CD47: variants seen among roughly 807,000 people sequenced by gnomAD.
CD47 encodes leukocyte surface antigen CD47.
CD47 carries 11 observed loss-of-function variants against 44.6 expected under a neutral mutation model. The ratio of observed to expected loss-of-function variants is 0.25; its 90% CI spans 0.16 to 0.41. The LOEUF is 0.41. Ranked by LOEUF, CD47 falls within the 10% of genes least tolerant of loss-of-function variation. The pLI, the probability that CD47 is intolerant of heterozygous loss-of-function variation, is 1.00. For synonymous variants in CD47, 140 were observed against 136.3 expected (o/e 1.03, Z -0.19); for missense variants, 306 against 386.7 (o/e 0.79, Z 1.75).
chr3:108,089,744 A>T (rs902650043), intron 1 of CD47, among the ~76,000 whole-genome samples: 1 of 152,174 alleles, frequency 6.6e-6, no homozygotes, highest in African/African-American at 2.4e-5. Context: ...CTAAAGTCAC[A>T]AGCCTTTAGG....
chr3:108,044,854 CTG>C lies in CD47; in HGVS notation c.*2432_*2433del, dbSNP rs2078696470. 6.6e-6 allele frequency: 1 copy of C among 152,552 alleles called. No individual in the cohort carries two copies. Among genetic ancestry groups the C allele is most frequent in the East Asian group, 1.9e-4 (1 of 5,202 alleles). The allele number at this position is 152,552 out of a possible 1,614,324, so 9.4% of individuals were successfully genotyped here. On this transcript the variant is annotated 3_prime_UTR_variant, in exon 11 of 11. Transcript: ENST00000361309. ...CTGTGAGAACACACAATAAATAAAA[CTG>C]AATGGAAGAGTCAACAGCAGAAACT...
chr3:108,071,500 C>T (rs1323842341), intron 2 of CD47, among the ~76,000 whole-genome samples: 2 of 152,138 alleles, frequency 1.3e-5, no homozygotes, highest in Non-Finnish European at 2.9e-5. Flanking sequence ...AGGGTTTGAA[C>T]CCAACTCTAA....
At chr3:108,052,191 T>C in intron 7 of CD47, 2 of 365,486 alleles carry the variant, frequency 5.5e-6, no homozygotes, top group South Asian at 3.2e-5. Context: ...CTACATCAAA[T>C]AGTAAACACA....
In CD47 at chr3:108,080,161, A is replaced by G; in HGVS notation, c.230T>C (p.Val77Ala). Residue 77 changes from valine (V) to alanine (A), a missense_variant, in exon 2 of 11, where the codon GTC (valine) becomes GCC (alanine). By Grantham distance (64) the Val-to-Ala change is moderately conservative (BLOSUM62 0). Coordinates refer to ENST00000361309, the MANE Select transcript of CD47 (RefSeq NM_001777.4). ...TTTTGCACTACTAAAGTCAGTGGGG[A>G]CAGTGGACTTGTTTAGAGCTCCATC... ...TFDGALNKSTVPTDFSSAKIE... is the reference protein window; with the variant it reads ...TFDGALNKSTAPTDFSSAKIE... 6.2e-7 allele frequency: 1 copy of G among 1,613,180 alleles called. No homozygotes were observed. The highest frequency in any genetic ancestry group is 8.5e-7 in the Non-Finnish European group (1 of 1,179,302).
chr3:108,076,627 T>C (rs2079316312), intron 2 of CD47, among the ~76,000 whole-genome samples: 1 of 152,160 alleles, frequency 6.6e-6, no homozygotes, highest in South Asian at 2.1e-4. Flanking sequence ...ACTCCATCTA[T>C]CTCCTAGAGT....
chr3:108,045,530 T>G lies in CD47; in HGVS notation c.*1758A>C, dbSNP rs758183650. The G allele has an allele frequency of 1.3e-5, 2 of 152,266 alleles. No individual in the cohort carries two copies. The highest frequency in any genetic ancestry group is 2.9e-5 in the Non-Finnish European group (2 of 67,994). The allele number at this position is 152,266 out of a possible 1,614,324, so 9.4% of individuals were successfully genotyped here. ...ATGTGTGTATATACATACGTATATA[T>G]AGATATACGTATATATTTGTGTATA... On this transcript the variant is annotated 3_prime_UTR_variant, in exon 11 of 11. Transcript: ENST00000361309.
rs58021560 is a variant in CD47 at position 108,065,811 on chromosome 3, C to CAAAAAA, written c.491-4965_491-4960dup. Reference sequence around the variant, plus strand: ...TGGGCAACAGAGCGAGACTCCGTCTCAAAAAAAAAAAAAAAAAAAAAAAAA... The same window carrying CAAAAAA: ...TGGGCAACAGAGCGAGACTCCGTCTCAAAAAAAAAAAAAAAAAAAAAAAAAAAAAAA... On this transcript the variant is annotated intron_variant, in intron 3 of 10. Coordinates refer to ENST00000361309, the MANE Select transcript of CD47 (RefSeq NM_001777.4). Among the ~76,000 whole-genome samples, 72 of 61,166 alleles carry CAAAAAA rather than the reference C, an allele frequency of 1.2e-3. 2 individuals are homozygous for CAAAAAA. The highest frequency in any genetic ancestry group is 1.8e-3 in the African/African-American group (27 of 15,154). The allele number at this position is 61,166 out of a possible 152,430, so 40.1% of individuals were successfully genotyped here. A position where few individuals can be genotyped will look rare whatever the true frequency, so the allele number is the denominator to read the frequency against.
intron 3 of CD47, among the ~76,000 whole-genome samples, chr3:108,063,915 T>G (rs893762677): frequency 5.3e-5 from 8 of 152,234 alleles, no homozygotes; most frequent in Admixed American, 3.9e-4. Context: ...GACACAGGAA[T>G]ACCAAGTATC....
At chr3:108,077,774 G>A (rs1190037564) in intron 2 of CD47, among the ~76,000 whole-genome samples, 1 of 152,060 alleles carries the variant, frequency 6.6e-6, no homozygotes, top group African/African-American at 2.4e-5. Context: ...GATCTCAAGG[G>A]CATTGTGCTT....
At chr3:108,069,973 A>T (rs1307834820) in intron 3 of CD47, among the ~76,000 whole-genome samples, 1 of 152,216 alleles carries the variant, frequency 6.6e-6, no homozygotes, top group Non-Finnish European at 1.5e-5. Context: ...AAATGTCTTG[A>T]CAGTTGCCAC....
At position 108,043,501 on chromosome 3, in the gene CD47, G is replaced by A. The variant is rs2078663114; in HGVS notation, c.*3787C>T. ...AAACAACTTTGGTCTTCAAATCACT[G>A]CAAAAAAATGGCTACTGACAAATAG... On this transcript the variant is annotated 3_prime_UTR_variant, in exon 11 of 11. Transcript: ENST00000361309. 6.6e-6 allele frequency: 1 copy of A among 151,348 alleles called. No homozygotes were observed. The highest frequency in any genetic ancestry group is 1.5e-5 in the Non-Finnish European group (1 of 67,788). 9.4% of individuals were successfully genotyped at this position (151,348 alleles called of 1,614,324 possible). A position where few individuals can be genotyped will look rare whatever the true frequency, so the allele number is the denominator to read the frequency against.
intron 7 of CD47, 41 bp from the exon 8 acceptor site, chr3:108,052,011 A>G: frequency 1.0e-6 from 1 of 956,100 alleles, no homozygotes; most frequent in Non-Finnish European, 1.6e-6. Flanking sequence ...TTAATAAATG[A>G]AATAAACTAA....
chr3:108,080,350 A>G lies in CD47; in HGVS notation c.47-6T>C, dbSNP rs2079393153. On this transcript the variant is annotated splice_region_variant and splice_polypyrimidine_tract_variant and intron_variant, in intron 1 of 10. Coordinates refer to ENST00000361309, the MANE Select transcript of CD47 (RefSeq NM_001777.4). ...AAATAGTAGCTGAGCTGATCCTGGA[A>G]AGGAAAAAGAAAAATGTTTCATTAA... 1 of 1,440,248 alleles carries G rather than the reference A, an allele frequency of 6.9e-7. No individual in the cohort carries two copies. The highest frequency in any genetic ancestry group is 9.6e-7 in the Non-Finnish European group (1 of 1,038,570). The allele number at this position is 1,440,248 out of a possible 1,614,324, so 89.2% of individuals were successfully genotyped here.
chr3:108,056,391 A>C (rs967409944), intron 7 of CD47, among the ~76,000 whole-genome samples: 3 of 152,240 alleles, frequency 2.0e-5, no homozygotes, highest in Non-Finnish European at 4.4e-5. Context: ...AATATATGAC[A>C]GAATTGAATT....
At chr3:108,073,814 T>C (rs1389132485) in intron 2 of CD47, among the ~76,000 whole-genome samples, 1 of 152,198 alleles carries the variant, frequency 6.6e-6, no homozygotes, top group African/African-American at 2.4e-5. Flanking sequence ...GTCAGAAAGT[T>C]ACAGCAGCAG....
At chr3:108,078,115 A>G (rs1257291094) in intron 2 of CD47, among the ~76,000 whole-genome samples, 1 of 152,100 alleles carries the variant, frequency 6.6e-6, no homozygotes, top group Non-Finnish European at 1.5e-5. Flanking sequence ...TGAAGGGCAC[A>G]TGGAAGCTCT....
chr3:108,090,987 C>G lies in CD47; in HGVS notation c.-79G>C, dbSNP rs965589226. On this transcript the variant is annotated 5_prime_UTR_variant, in exon 1 of 11. Transcript: ENST00000361309. The stretch of plus-strand genomic sequence containing the variant: ...CCGCCGCCGCCGTTACAGGCAGGAC[C>G]GACCGCCGCCGCGCGTCACAGGCAG... 4 of 1,023,858 alleles carry G rather than the reference C, an allele frequency of 3.9e-6. No individual in the cohort carries two copies. The highest frequency in any genetic ancestry group is 5.2e-6 in the Non-Finnish European group (4 of 765,546). 63.4% of individuals were successfully genotyped at this position (1,023,858 alleles called of 1,614,324 possible).
At chr3:108,060,947 T>C in intron 3 of CD47, 95 bp from the exon 4 acceptor site, 1 of 741,852 alleles carries the variant, frequency 1.3e-6, no homozygotes, top group East Asian at 2.7e-5. Flanking sequence ...ACAGAAGTAC[T>C]ATAATGTAAT....
chr3:108,080,334 C>T lies in CD47; in HGVS notation c.57G>A (p.Gln19=). ...LLGSACCGSA[Q]LLFNKTKSVE... ...CAGATTTTGTTTTATTAAATAGTAGCTGAGCTGATCCTGGAAAGGAAAAAG... is the reference window on the plus strand; with the variant it reads ...CAGATTTTGTTTTATTAAATAGTAGTTGAGCTGATCCTGGAAAGGAAAAAG... The change falls in exon 2 of 11, where the codon CAG becomes CAA. Residue 19 remains glutamine, a synonymous_variant. Transcript: ENST00000361309. 1 of 1,565,622 alleles carries T rather than the reference C, an allele frequency of 6.4e-7. No individual in the cohort carries two copies. The highest frequency in any genetic ancestry group is 8.8e-7 in the Non-Finnish European group (1 of 1,142,472).
Sources: allele counts gnomAD v4.1 joint callset (sites outside exome capture counted in the v4.1 genomes callset), GRCh38; gene constraint gnomAD v4.1.1; transcripts MANE v1.5; gene names NCBI Gene and HGNC (gene_info 2026-07-23, HGNC 2026-07-21).